SRFBP1: variants seen among roughly 807,000 people sequenced by gnomAD.
SRFBP1 encodes serum response factor-binding protein 1.
A neutral mutation model predicts 45.5 loss-of-function variants in SRFBP1; 47 were observed. The observed-to-expected ratio is 1.03, with a 90% CI of 0.82 to 1.32. The LOEUF is 1.32. Among genes scored for constraint, SRFBP1 ranks in the 40% most tolerant of loss-of-function variants. The probability of loss-of-function intolerance (pLI) is 0.00; values close to 1 mark genes in which losing one functional copy is unlikely to be tolerated. For synonymous variants in SRFBP1, 203 were observed against 166.3 expected (o/e 1.22, Z -1.70); for missense variants, 621 against 484.6 (o/e 1.28, Z -2.64).
At chr5:122,053,261 G>A (rs1361136366) in intron 2 of SRFBP1, among the ~76,000 whole-genome samples, 1 of 152,136 alleles carries the variant, frequency 6.6e-6, no homozygotes, top group Non-Finnish European at 1.5e-5. Context: ...AGGAGGCAGG[G>A]CTGGATGGAG....
chr5:121,962,041 G>A lies in SRFBP1; in HGVS notation c.9G>A (p.Gln3=). 11 of 1,614,070 alleles carry A rather than the reference G, an allele frequency of 6.8e-6. No individual in the cohort carries two copies. Among genetic ancestry groups the A allele is most frequent in the Non-Finnish European group, 9.3e-6 (11 of 1,180,028 alleles). Reference sequence around the variant, plus strand: ...ATATTCCTTCATCTACCATGGCTCAGCCGGGAACTCTGAACCTCAATAACG... The same window carrying A: ...ATATTCCTTCATCTACCATGGCTCAACCGGGAACTCTGAACCTCAATAACG... MA[Q]PGTLNLNNEV... is the part of the protein sequence containing the mutation. Residue 3 remains glutamine, a synonymous_variant, in exon 1 of 8, where the codon CAG becomes CAA. Coordinates refer to ENST00000339397, the MANE Select transcript of SRFBP1 (RefSeq NM_152546.3).
chr5:122,033,892 C>T (rs1233276957), intron 2 of SRFBP1, among the ~76,000 whole-genome samples: 3 of 138,294 alleles, frequency 2.2e-5, no homozygotes, highest in Admixed American at 7.5e-5. Flanking sequence ...GGCACGATCT[C>T]GGCTCACTGC....
chr5:122,058,939 A>G lies in SRFBP1; in HGVS notation n.312-16376A>G, dbSNP rs543291718. ...GATCTGAAATATTCTGATGGGGAAA[A>G]TCCAATTCTTAGATTTTTCTAGAAA... On this transcript the variant is annotated intron_variant and non_coding_transcript_variant, in intron 2 of 2. Coordinates refer to the SRFBP1 transcript ENST00000504881. Among the ~76,000 whole-genome samples the G allele has an allele frequency of 7.7e-4, 117 of 152,230 alleles. 1 individual carries two copies. Among genetic ancestry groups the G allele is most frequent in the African/African-American group, 2.7e-3 (114 of 41,552 alleles).
At chr5:122,014,785 GA>G (rs1402838875) in intron 4 of SRFBP1, among the ~76,000 whole-genome samples, 3 of 152,124 alleles carry the variant, frequency 2.0e-5, no homozygotes, top group Non-Finnish European at 4.4e-5. Context: ...GTCCACACTA[GA>G]CATGCAAGTA....
intron 3 of SRFBP1, among the ~76,000 whole-genome samples, chr5:121,984,001 C>T (rs967002930): frequency 2.6e-5 from 4 of 151,764 alleles, no homozygotes; most frequent in Admixed American, 6.6e-5. Context: ...TCATTTGTTT[C>T]TAATACTACA....
At chr5:122,076,859 C>T (rs1285875894), downstream of SRFBP1, 1 of 1,593,824 alleles carries the variant, frequency 6.3e-7, no homozygotes, top group Non-Finnish European at 8.6e-7. Context: ...GAAGGTAGAC[C>T]GGGGAGCGGG....
downstream of SRFBP1, among the ~76,000 whole-genome samples, chr5:122,033,332 G>C (rs114058062): frequency 0.024 from 3,624 of 151,946 alleles, 146 homozygotes; most frequent in African/African-American, 0.083. Flanking sequence ...ATTTATTTCT[G>C]CCATATAATC....
chr5:122,046,732 C>T (rs1484230015), intron 2 of SRFBP1, among the ~76,000 whole-genome samples: 8 of 152,236 alleles, frequency 5.3e-5, no homozygotes, highest in Middle Eastern at 3.4e-3. Context: ...TTTTAATGTT[C>T]GCCATTCTAA....
chr5:122,036,301 A>G (rs567581826), intron 2 of SRFBP1, among the ~76,000 whole-genome samples: 32 of 152,248 alleles, frequency 2.1e-4, no homozygotes, highest in East Asian at 7.7e-4. Flanking sequence ...GCTGAGGTCA[A>G]TCATACAGGT....
chr5:122,044,398 C>A (rs1439648675), intron 2 of SRFBP1, among the ~76,000 whole-genome samples: 1 of 152,166 alleles, frequency 6.6e-6, no homozygotes, highest in East Asian at 1.9e-4. Flanking sequence ...AATAATAATT[C>A]TCTTTCGAGT....
chr5:122,077,869 C>T (rs759310341), downstream of SRFBP1: 6 of 1,535,280 alleles, frequency 3.9e-6, no homozygotes, highest in South Asian at 1.2e-5. This position sits in a 1 kb window ranked among gnomAD's most constrained non-coding sequence, Gnocchi z 4.9. Context: ...GCCAGGCGCC[C>T]GGAGCCGCCG....
At chr5:122,014,181 A>G (rs1359076930) in intron 4 of SRFBP1, among the ~76,000 whole-genome samples, 1 of 152,070 alleles carries the variant, frequency 6.6e-6, no homozygotes, top group African/African-American at 2.4e-5. Context: ...AACAGAAAAC[A>G]CATCTTAGAG....
At chr5:122,024,849 C>T (rs988788404) in intron 7 of SRFBP1, among the ~76,000 whole-genome samples, 4 of 152,166 alleles carry the variant, frequency 2.6e-5, no homozygotes, top group African/African-American at 7.2e-5. Context: ...AGTTTATTTA[C>T]ATATACAACT....
At chr5:122,047,837 G>C (rs1382039439) in intron 2 of SRFBP1, among the ~76,000 whole-genome samples, 1 of 151,966 alleles carries the variant, frequency 6.6e-6, no homozygotes, top group Non-Finnish European at 1.5e-5. Context: ...CTCATGATTT[G>C]GCTCTGTTTG....
intron 2 of SRFBP1, chr5:122,063,355 A>G (rs1031965672): frequency 1.3e-5 from 2 of 151,964 alleles, no homozygotes; most frequent in East Asian, 1.9e-4. Flanking sequence ...TACAAATAAC[A>G]TTCCTGAAAA....
At chr5:121,999,898 C>G (rs1752820556) in intron 4 of SRFBP1, among the ~76,000 whole-genome samples, 1 of 152,040 alleles carries the variant, frequency 6.6e-6, no homozygotes, top group Admixed American at 6.6e-5. Context: ...ATCTGATAAT[C>G]TCTCTTTTAA....
At chr5:122,005,977 A>G (rs945469764) in intron 4 of SRFBP1, among the ~76,000 whole-genome samples, 12 of 152,150 alleles carry the variant, frequency 7.9e-5, no homozygotes, top group Non-Finnish European at 1.3e-4. Flanking sequence ...AAATTTGACT[A>G]TGTACTTTTA....
downstream of SRFBP1, chr5:122,078,003 T>C: frequency 6.9e-7 from 1 of 1,441,080 alleles, no homozygotes; most frequent in Non-Finnish European, 9.1e-7. Context: ...TTTGCCAGAT[T>C]GACCCCGCTC....
intron 2 of SRFBP1, among the ~76,000 whole-genome samples, chr5:122,033,848 G>A (rs1340721648): frequency 1.6e-5 from 2 of 123,254 alleles, no homozygotes; most frequent in African/African-American, 6.6e-5. Flanking sequence ...TTTTGAGACA[G>A]AGTCTTGCTT....
Sources: allele counts gnomAD v4.1 joint callset (sites outside exome capture counted in the v4.1 genomes callset), GRCh38; gene constraint gnomAD v4.1.1; non-coding constraint Gnocchi (gnomAD v3.1); transcripts MANE v1.5; gene names NCBI Gene and HGNC (gene_info 2026-07-23, HGNC 2026-07-21).